Variants in IGSF5 observed in about 807,000 individuals in gnomAD.
IGSF5 encodes the protein immunoglobulin superfamily 5 like.
IGSF5 carries 41 observed loss-of-function variants against 39.4 expected under a neutral mutation model. The observed-to-expected ratio is 1.04, with a 90% CI of 0.81 to 1.35. IGSF5 has a LOEUF of 1.35. Among genes scored for constraint, IGSF5 ranks in the 40% most tolerant of loss-of-function variants. The pLI, the probability that IGSF5 is intolerant of heterozygous loss-of-function variation, is 0.00. For missense variants in IGSF5, 487 were observed against 494.6 expected (o/e 0.98, Z 0.15); for synonymous variants, 183 against 175.3 (o/e 1.04, Z -0.34).
At chr21:39,791,829 G>C (rs1303887159) in intron 6 of IGSF5, 179 bp from the exon 7 acceptor site, 1 of 548,344 alleles carries the variant, frequency 1.8e-6, no homozygotes, top group Non-Finnish European at 3.3e-6. Flanking sequence ...GAATGTGTGA[G>C]TAGGCAGGCG....
chr21:39,727,384 G>T, the IGSF5 span, among the ~76,000 whole-genome samples: 61 of 152,268 alleles, frequency 4.0e-4, no homozygotes, highest in African/African-American at 1.2e-3. Context: ...CTCTCAATGG[G>T]GCTATGGTTG....
At chr21:39,734,855 C>G in the IGSF5 span, among the ~76,000 whole-genome samples, 1 of 151,920 alleles carries the variant, frequency 6.6e-6, no homozygotes, top group African/African-American at 2.4e-5. Flanking sequence ...TGTCAAACAG[C>G]AGGTAAAATA....
upstream of IGSF5, among the ~76,000 whole-genome samples, chr21:39,742,781 C>CT (rs71330380): frequency 0.31 from 47,058 of 151,796 alleles, 8,989 homozygotes; most frequent in South Asian, 0.5. Context: ...AAGTGATGGC[C>CT]TTTTTTTTAT....
chr21:39,755,235 C>T (rs1461524674), intron 2 of IGSF5, among the ~76,000 whole-genome samples: 1 of 152,150 alleles, frequency 6.6e-6, no homozygotes, highest in Non-Finnish European at 1.5e-5. Flanking sequence ...TCATCCTCTG[C>T]TAGAGCCTGA....
the IGSF5 span, among the ~76,000 whole-genome samples, chr21:39,732,252 T>G: frequency 6.6e-6 from 1 of 152,220 alleles, no homozygotes; most frequent in African/African-American, 2.4e-5. Context: ...TTGAAATCAC[T>G]AATTTTTGGG....
At chr21:39,742,230 C>G (rs560521988), upstream of IGSF5, among the ~76,000 whole-genome samples, 2 of 152,182 alleles carry the variant, frequency 1.3e-5, no homozygotes, top group Admixed American at 1.3e-4. Context: ...TAGAATCTCT[C>G]TCTCTAACAA....
At position 39,745,431 on chromosome 21, in the gene IGSF5, A is replaced by T; in HGVS notation, c.-79A>T. The T allele has an allele frequency of 1.4e-6, 1 of 698,514 alleles. No homozygotes were observed. The highest frequency in any genetic ancestry group is 2.6e-6 in the Non-Finnish European group (1 of 380,694). 43.3% of individuals were successfully genotyped at this position (698,514 alleles called of 1,614,324 possible). A position where few individuals can be genotyped will look rare whatever the true frequency, so the allele number is the denominator to read the frequency against. The stretch of plus-strand genomic sequence containing the variant: ...AACCATTAGTACCTAGGAGGCAGGG[A>T]TCAGAGGAAGTAGATTCAGAGGTAA... On this transcript the variant is annotated 5_prime_UTR_variant, in exon 1 of 9. Coordinates refer to ENST00000380588, the MANE Select transcript of IGSF5 (RefSeq NM_001080444.2).
chr21:39,746,050 G>T (rs1191542274), intron 1 of IGSF5, among the ~76,000 whole-genome samples, 166 bp from the exon 2 acceptor site: 1 of 152,182 alleles, frequency 6.6e-6, no homozygotes, highest in Admixed American at 6.5e-5. Context: ...GGGCCATGCG[G>T]TGAGTGTTAT....
intron 8 of IGSF5, among the ~76,000 whole-genome samples, chr21:39,795,184 C>T (rs529741364): frequency 2.6e-5 from 4 of 152,232 alleles, no homozygotes; most frequent in South Asian, 2.1e-4. Flanking sequence ...CCATCAGGGC[C>T]GCTCTCTTTG....
At chr21:39,779,741 C>T (rs2080160219) in intron 5 of IGSF5, among the ~76,000 whole-genome samples, 2 of 152,148 alleles carry the variant, frequency 1.3e-5, no homozygotes, top group African/African-American at 4.8e-5. Flanking sequence ...AAAATCTTGT[C>T]CTTTGCTACA....
chr21:39,742,959 T>C (rs2079954520), upstream of IGSF5, among the ~76,000 whole-genome samples: 2 of 152,220 alleles, frequency 1.3e-5, no homozygotes, highest in Admixed American at 1.3e-4. Context: ...TAAGATTAGT[T>C]GGCCTTCACT....
At chr21:39,759,077 T>C (rs1449257239) in intron 2 of IGSF5, among the ~76,000 whole-genome samples, 1 of 119,918 alleles carries the variant, frequency 8.3e-6, no homozygotes, top group Non-Finnish European at 1.8e-5. Context: ...TTTTGCTTGT[T>C]TTGTACTTTA....
chr21:39,795,856 C>T (rs950526716), intron 8 of IGSF5, among the ~76,000 whole-genome samples: 1 of 151,922 alleles, frequency 6.6e-6, no homozygotes, highest in Non-Finnish European at 1.5e-5. Context: ...AGCACCAAGG[C>T]CCTTAAGAAA....
chr21:39,773,572 C>T (rs1314192407), intron 4 of IGSF5, among the ~76,000 whole-genome samples: 1 of 151,534 alleles, frequency 6.6e-6, no homozygotes, highest in Non-Finnish European at 1.5e-5. Context: ...CCAGATTGCT[C>T]CAGACTTGGT....
intron 2 of IGSF5, among the ~76,000 whole-genome samples, chr21:39,760,440 C>T (rs2837177): frequency 0.39 from 59,289 of 151,768 alleles, 11,851 homozygotes; most frequent in Admixed American, 0.52. Context: ...CATTGCAGGC[C>T]GGTCACTGCA....
At chr21:39,758,705 T>C (rs549751675) in intron 2 of IGSF5, among the ~76,000 whole-genome samples, 1 of 152,306 alleles carries the variant, frequency 6.6e-6, no homozygotes, top group Middle Eastern at 3.4e-3. Context: ...AAAGGCATAG[T>C]GTATAGTCTA....
Position 39,779,227 on chromosome 21 carries a change from C to CGCT in IGSF5, c.868_870dup (p.Cys290dup), listed in dbSNP as rs530090000. On this transcript the variant is annotated inframe_insertion, in exon 5 of 9. Coordinates refer to ENST00000380588, the MANE Select transcript of IGSF5 (RefSeq NM_001080444.2). ...GACGCCGACGTGTACTCTTACAATA[C>CGCT]GCTGCTGCTGCTGCCGCCGTCGTTG... 329 of 1,613,682 alleles carry CGCT rather than the reference C, an allele frequency of 2.0e-4. 1 individual carries two copies. The highest frequency in any genetic ancestry group is 8.1e-5 in the Non-Finnish European group (96 of 1,179,770).
Position 39,765,801 on chromosome 21 carries a change from T to C in IGSF5, c.367T>C (p.Cys123Arg). 2.5e-6 allele frequency: 4 copies of C among 1,614,126 alleles called. No individual in the cohort carries two copies. Among genetic ancestry groups the C allele is most frequent in the African/African-American group, 1.3e-5 (1 of 75,050 alleles). The change falls in exon 3 of 9, where the codon TGC becomes CGC. Residue 123 changes from cysteine to arginine, a missense_variant. Physicochemically the swap from Cys to Arg is radical, Grantham distance 180. Coordinates refer to ENST00000380588, the MANE Select transcript of IGSF5 (RefSeq NM_001080444.2). ...GCCCAGTGATTCGGGGAACATCAGA[T>C]GCAGCCTCCAGAACAGTCGCCTGCA... is the stretch of plus-strand genomic sequence containing the variant. ...VEPSDSGNIR[C>R]SLQNSRLHGS...
At chr21:39,749,010 G>A (rs1373584277) in intron 2 of IGSF5, among the ~76,000 whole-genome samples, 1 of 151,484 alleles carries the variant, frequency 6.6e-6, no homozygotes, top group Admixed American at 6.6e-5. Context: ...AGGCGCCTGT[G>A]GAAGAAACAT....
Sources: gnomAD v4.1 joint callset for allele counts (sites outside exome capture counted in the v4.1 genomes callset) on GRCh38, gnomAD v4.1.1 for gene constraint, MANE v1.5 for transcripts, NCBI Gene and HGNC (gene_info 2026-07-23, HGNC 2026-07-21) for gene names.